SPICE1: variants seen among roughly 807,000 people sequenced by gnomAD.
SPICE1 encodes spindle and centriole-associated protein 1.
A neutral mutation model predicts 102.7 loss-of-function variants in SPICE1; 75 were observed. The observed-to-expected ratio is 0.73, with a 90% CI of 0.61 to 0.88. The LOEUF is 0.88. Among genes scored for constraint, SPICE1 ranks in the 40% least tolerant of loss-of-function variants. SPICE1 has a pLI of 0.00. For missense variants in SPICE1, 979 were observed against 1,020.1 expected (o/e 0.96, Z 0.55); for synonymous variants, 308 against 350.3 (o/e 0.88, Z 1.35).
At chr3:113,501,478 A>T (rs1425407854) in intron 3 of SPICE1, among the ~76,000 whole-genome samples, 2 of 152,216 alleles carry the variant, frequency 1.3e-5, no homozygotes, top group Non-Finnish European at 2.9e-5. Context: ...TGAAAAAACA[A>T]CTAAGAAAAT....
intron 12 of SPICE1, chr3:113,459,456 CAA>C (rs200111666): frequency 1.5e-5 from 14 of 954,746 alleles, no homozygotes; most frequent in Non-Finnish European, 1.7e-5. Flanking sequence ...CAAAACAAAA[CAA>C]AAAAAAACAA....
chr3:113,488,910 T>G, intron 7 of SPICE1, 35 bp downstream of exon 7: 2 of 1,321,538 alleles, frequency 1.5e-6, no homozygotes, highest in South Asian at 1.3e-5. Context: ...GGAAAAAACC[T>G]GAGAGTTGTA....
chr3:113,514,937 A>T lies in SPICE1; in HGVS notation c.-41T>A, dbSNP rs1937294168. On this transcript the variant is annotated 5_prime_UTR_variant, in exon 1 of 18. Coordinates refer to ENST00000295872, the MANE Select transcript of SPICE1 (RefSeq NM_144718.4). ...ACAGAGCCGCGGCTGCGCTTCCTGA[A>T]GTAAGGATTCCCCAACCGGGCGCCT... The T allele has an allele frequency of 6.5e-6, 7 of 1,078,836 alleles. No homozygotes were observed. In the South Asian group the frequency reaches 9.9e-5, roughly 15 times the overall value. 66.8% of individuals were successfully genotyped at this position (1,078,836 alleles called of 1,614,324 possible). A position where few individuals can be genotyped will look rare whatever the true frequency, so the allele number is the denominator to read the frequency against.
chr3:113,489,183 G>A (rs1936712656), intron 6 of SPICE1, 120 bp from the exon 7 acceptor site: 3 of 621,978 alleles, frequency 4.8e-6, no homozygotes, highest in Non-Finnish European at 8.5e-6. Context: ...ACATGTTGTA[G>A]AACACAAATC....
chr3:113,509,959 G>T (rs75039990), intron 1 of SPICE1, among the ~76,000 whole-genome samples: 3,859 of 152,240 alleles, frequency 0.025, 67 homozygotes, highest in East Asian at 0.069. Context: ...TGCCATAATT[G>T]TAAGTTTCCT....
intron 1 of SPICE1, among the ~76,000 whole-genome samples, chr3:113,510,917 A>G (rs1937207908): frequency 6.6e-6 from 1 of 152,202 alleles, no homozygotes; most frequent in Admixed American, 6.5e-5. Context: ...AAATTGACAA[A>G]AAAACAAACA....
intron 11 of SPICE1, among the ~76,000 whole-genome samples, chr3:113,463,702 A>C (rs1935985897): frequency 6.6e-6 from 1 of 152,232 alleles, no homozygotes. Context: ...TATTAGGCAA[A>C]TACACAAACA....
At chr3:113,450,587 T>C (rs547682838) in intron 14 of SPICE1, 71 bp from the exon 15 acceptor site, 10 of 1,462,146 alleles carry the variant, frequency 6.8e-6, no homozygotes, top group Middle Eastern at 1.8e-4. Flanking sequence ...CGATTTTTTT[T>C]TTTTTTTTAG....
intron 1 of SPICE1, among the ~76,000 whole-genome samples, chr3:113,512,761 ACAATTTAAT>A (rs1475239151): frequency 1.3e-5 from 2 of 151,960 alleles, no homozygotes; most frequent in African/African-American, 2.4e-5. Context: ...CTCCACACAA[ACAATTTAAT>A]CAAGGATTTC....
chr3:113,460,893 A>G (rs890366760), intron 11 of SPICE1, 129 bp from the exon 12 acceptor site: 7 of 663,394 alleles, frequency 1.1e-5, no homozygotes, highest in African/African-American at 7.5e-5. Flanking sequence ...ATATGTATGT[A>G]TAATATCATC....
chr3:113,489,803 G>A (rs13087452), intron 6 of SPICE1, among the ~76,000 whole-genome samples: 31,069 of 146,032 alleles, frequency 0.21, 3,503 homozygotes, highest in African/African-American at 0.3. Context: ...AGTTGTGATC[G>A]TGCCACTGCA....
chr3:113,497,720 T>C lies in SPICE1; in HGVS notation c.291+1719A>G, dbSNP rs1936925455. 5.4e-5 allele frequency among the ~76,000 whole-genome samples: 8 copies of C among 147,456 alleles called. No homozygotes were observed. The South Asian group carries it at 1.8e-3, about 33-fold the overall frequency. ...AGAGAAAGAGAGCTTTTTTTTTTTT[T>C]TTTTTTTTTGAGACAGAGTCTCACT... On this transcript the variant is annotated intron_variant, in intron 4 of 17. Coordinates refer to ENST00000295872, the MANE Select transcript of SPICE1 (RefSeq NM_144718.4).
chr3:113,486,797 G>C (rs1936658334), intron 7 of SPICE1, among the ~76,000 whole-genome samples: 1 of 149,848 alleles, frequency 6.7e-6, no homozygotes, highest in Non-Finnish European at 1.5e-5. Flanking sequence ...AATATAGTAC[G>C]TTACCTTTTA....
At position 113,457,694 on chromosome 3, in the gene SPICE1, T is replaced by C. The variant is rs138155185; in HGVS notation, c.1436-337A>G. On this transcript the variant is annotated intron_variant, in intron 12 of 17. Coordinates refer to ENST00000295872, the MANE Select transcript of SPICE1 (RefSeq NM_144718.4). ...CTTTTTTTCACACAGAGTCTCACTC[T>C]GTCACCCAGGCTGAAGTGCAGTGGA... 3.8e-3 allele frequency among the ~76,000 whole-genome samples: 574 copies of C among 152,326 alleles called. 2 individuals carry two copies. The highest frequency in any genetic ancestry group is 0.013 in the African/African-American group (542 of 41,574).
intron 7 of SPICE1, among the ~76,000 whole-genome samples, chr3:113,481,948 C>G (rs1034585778): frequency 6.6e-6 from 1 of 152,114 alleles, no homozygotes; most frequent in Non-Finnish European, 1.5e-5. Context: ...ATTGCTGGGT[C>G]AAATGGTATT....
chr3:113,483,382 T>C (rs551237764), intron 7 of SPICE1, among the ~76,000 whole-genome samples: 46 of 152,332 alleles, frequency 3.0e-4, no homozygotes, highest in African/African-American at 9.9e-4. Context: ...CTTTTCCTAC[T>C]TGAATGCCCT....
In SPICE1 at chr3:113,483,315, T is replaced by C. The variant is rs1023326511; in HGVS notation, c.611+5630A>G. ...TTAAGGAGATTTTGGGCTGAGACGATGGTGTTTTCTAAATATACAATCATG... is the reference window on the plus strand; with the variant it reads ...TTAAGGAGATTTTGGGCTGAGACGACGGTGTTTTCTAAATATACAATCATG... On this transcript the variant is annotated intron_variant, in intron 7 of 17. Transcript: ENST00000295872. Among the ~76,000 whole-genome samples, 4 of 152,196 alleles carry C rather than the reference T, an allele frequency of 2.6e-5. No individual in the cohort carries two copies. In the East Asian group the frequency reaches 5.8e-4, roughly 22 times the overall value.
chr3:113,479,085 A>G (rs928046874), intron 7 of SPICE1, among the ~76,000 whole-genome samples: 1 of 149,354 alleles, frequency 6.7e-6, no homozygotes, highest in African/African-American at 2.4e-5. Flanking sequence ...TTAACTCGTC[A>G]TTTAGCATTA....
chr3:113,498,736 G>A (rs934072262), intron 4 of SPICE1, among the ~76,000 whole-genome samples: 2 of 152,178 alleles, frequency 1.3e-5, no homozygotes, highest in Non-Finnish European at 2.9e-5. Context: ...CTGTACATAA[G>A]CTTCAATATG....
Sources: gnomAD v4.1 joint callset for allele counts (sites outside exome capture counted in the v4.1 genomes callset) on GRCh38, gnomAD v4.1.1 for gene constraint, MANE v1.5 for transcripts, NCBI Gene and HGNC (gene_info 2026-07-23, HGNC 2026-07-21) for gene names.